Variants in CMTM1 observed in about 807,000 individuals in gnomAD.
The protein encoded by CMTM1 is CKLF like MARVEL transmembrane domain containing 1.
Under a neutral mutation model 17.8 loss-of-function variants are expected in CMTM1, and 16 were observed. The ratio of observed to expected loss-of-function variants is 0.90; its 90% CI spans 0.61 to 1.37. The LOEUF is 1.37. Ranked by LOEUF, CMTM1 falls within the 40% of genes most tolerant of loss-of-function variation. The pLI, the probability that CMTM1 is intolerant of heterozygous loss-of-function variation, is 0.00. For missense variants in CMTM1, 354 were observed against 375.6 expected, an observed-to-expected ratio of 0.94 and a Z score of 0.47; for synonymous variants, 169 against 154.6, an observed-to-expected ratio of 1.09 and a Z score of -0.69.
At chr16:66,568,864 C>T (rs1033749834) in intron 1 of CMTM1, among the ~76,000 whole-genome samples, 1 of 146,630 alleles carries the variant, frequency 6.8e-6, no homozygotes, top group South Asian at 2.1e-4. Context: ...CCAGCCTGAG[C>T]GACAGAGCAA....
At chr16:66,569,131 T>C (rs933176442) in intron 1 of CMTM1, among the ~76,000 whole-genome samples, 5 of 152,198 alleles carry the variant, frequency 3.3e-5, no homozygotes, top group Admixed American at 2.6e-4. Flanking sequence ...GATACACATA[T>C]GGGAAGAAAA....
chr16:66,568,807 AC>A (rs1334982383), intron 1 of CMTM1, among the ~76,000 whole-genome samples: 1 of 151,542 alleles, frequency 6.6e-6, no homozygotes, highest in East Asian at 1.9e-4. Context: ...AATTGTTCGA[AC>A]CCAGGAAGCA....
At chr16:66,574,997 C>A (rs2014055496) in intron 2 of CMTM1, 1 of 985,068 alleles carries the variant, frequency 1.0e-6, no homozygotes. Context: ...GGCCTGCCCA[C>A]TATGGGCAGA....
chr16:66,566,467 C>A lies in CMTM1; in HGVS notation c.-47C>A, dbSNP rs780586407. On this transcript the variant is annotated 5_prime_UTR_variant, in exon 1 of 4. Coordinates refer to ENST00000379500, the MANE Select transcript of CMTM1 (RefSeq NM_052999.4). This position sits in a 1 kb window ranked among gnomAD's most constrained non-coding sequence, Gnocchi z 4.9. ...ACGCTGGTTCCCAGGGGAGAGCCAG[C>A]CGCTGCCGCGGCACTGGTTCAGACG... The A allele has an allele frequency of 3.1e-5, 47 of 1,519,810 alleles. No individual in the cohort carries two copies. Among genetic ancestry groups the A allele is most frequent in the Admixed American group, 1.9e-4 (9 of 46,874 alleles). 94.1% of individuals were successfully genotyped at this position (1,519,810 alleles called of 1,614,324 possible).
intron 2 of CMTM1, chr16:66,574,953 G>C: frequency 3.0e-6 from 3 of 985,326 alleles, no homozygotes; most frequent in Non-Finnish European, 3.6e-6. Flanking sequence ...TAAGCTTCCT[G>C]CAAAGCTGCA....
intron 1 of CMTM1, among the ~76,000 whole-genome samples, chr16:66,568,224 A>G (rs1056342346): frequency 3.3e-5 from 5 of 152,226 alleles, no homozygotes; most frequent in African/African-American, 1.2e-4. Flanking sequence ...TTTTTTGAAA[A>G]TACAATACCA....
chr16:66,570,345 G>A (rs2144623565), intron 2 of CMTM1, among the ~76,000 whole-genome samples: 1 of 152,160 alleles, frequency 6.6e-6, no homozygotes, highest in African/African-American at 2.4e-5. Context: ...GTACTTTTCA[G>A]CTTGTCCTAA....
intron 3 of CMTM1, among the ~76,000 whole-genome samples, chr16:66,578,091 G>A (rs2014471571): frequency 6.6e-6 from 1 of 152,128 alleles, no homozygotes; most frequent in Admixed American, 6.5e-5. Flanking sequence ...AACATCCAAG[G>A]TTGTCAAGAG....
At chr16:66,577,369 C>A (rs1000815160) in intron 3 of CMTM1, among the ~76,000 whole-genome samples, 167 bp downstream of exon 3, 4 of 152,194 alleles carry the variant, frequency 2.6e-5, no homozygotes, top group African/African-American at 9.6e-5. Flanking sequence ...AAACTCTGAG[C>A]TCATGAAAAT....
In CMTM1 at chr16:66,566,861, C is replaced by T. The variant is rs770430575; in HGVS notation, c.348C>T (p.Gly116=). Residue 116 remains glycine (G), a synonymous_variant, in exon 1 of 4, where the codon GGC becomes GGT. Transcript: ENST00000379500. The surrounding 1 kb of genome is among the most constrained non-coding windows in gnomAD (Gnocchi z 4.9). ...TGGCGATCAAAGAGCGCGTGGAGGGCCGAGCCAAAGTCCCGTACAAATTCA... is the reference window on the plus strand; with the variant it reads ...TGGCGATCAAAGAGCGCGTGGAGGGTCGAGCCAAAGTCCCGTACAAATTCA... ...NEMAIKERVE[G]RAKVPYKFRD... is the part of the protein sequence containing the mutation. The T allele has an allele frequency of 2.7e-5, 44 of 1,612,238 alleles. 1 individual carries two copies. The South Asian group carries it at 4.4e-4, about 16-fold the overall frequency.
chr16:66,567,878 C>T (rs2012828002), intron 1 of CMTM1, among the ~76,000 whole-genome samples: 1 of 152,116 alleles, frequency 6.6e-6, no homozygotes, highest in African/African-American at 2.4e-5. Context: ...TAATGTAAAT[C>T]ACCAAAACTG....
Position 66,566,495 on chromosome 16 carries a change from C to CA in CMTM1, c.-18dup. ...CTGCCGCGGCACTGGTTCAGACGGCCAGGCCCTAGGGACCCACCATGGATC... is the reference window on the plus strand; with the variant it reads ...CTGCCGCGGCACTGGTTCAGACGGCCAAGGCCCTAGGGACCCACCATGGATC... On this transcript the variant is annotated 5_prime_UTR_variant, in exon 1 of 4. Transcript: ENST00000379500. This position sits in a 1 kb window ranked among gnomAD's most constrained non-coding sequence, Gnocchi z 4.9. 6.4e-7 allele frequency: 1 copy of CA among 1,572,842 alleles called. No individual in the cohort carries two copies. The highest frequency in any genetic ancestry group is 1.8e-5 in the Admixed American group (1 of 54,276).
intron 2 of CMTM1, among the ~76,000 whole-genome samples, chr16:66,573,127 A>G (rs1333495826): frequency 2.0e-5 from 3 of 152,322 alleles, no homozygotes; most frequent in East Asian, 3.9e-4. Context: ...GTTAGGGCCT[A>G]TGAGGTCTCC....
At position 66,570,041 on chromosome 16, in the gene CMTM1, A is replaced by T. The variant is rs765924026; in HGVS notation, c.538A>T (p.Ile180Leu). The change falls in exon 2 of 4, where the codon ATA becomes TTA. Residue 180 changes from isoleucine to leucine, a missense_variant. By Grantham distance (5) the Ile-to-Leu change is conservative. Transcript: ENST00000379500. ...CTGCATTGTCGTTTTTTTTATTCTAATATATGTGCTAACCCTTCACCACTT... is the reference window on the plus strand; with the variant it reads ...CTGCATTGTCGTTTTTTTTATTCTATTATATGTGCTAACCCTTCACCACTT... ...EICIVVFFIL[I>L]YVLTLHHLLT... 2 of 1,612,718 alleles carry T rather than the reference A, an allele frequency of 1.2e-6. No individual in the cohort carries two copies. The highest frequency in any genetic ancestry group is 1.7e-6 in the Non-Finnish European group (2 of 1,179,276).
intron 2 of CMTM1, among the ~76,000 whole-genome samples, chr16:66,576,356 C>T (rs1329241018): frequency 6.6e-6 from 1 of 151,962 alleles, no homozygotes; most frequent in Non-Finnish European, 1.5e-5. Flanking sequence ...CAAGATCGCA[C>T]CATTGCACTC....
rs762421686 is a variant in CMTM1, at chr16:66,566,739, GCACCCTCAAGGAAAGCCACCA to G, written c.230_250del (p.Pro77_Thr83del). 2 of 1,613,720 alleles carry G rather than the reference GCACCCTCAAGGAAAGCCACCA, an allele frequency of 1.2e-6. No homozygotes were observed. Among genetic ancestry groups the G allele is most frequent in the Non-Finnish European group, 1.7e-6 (2 of 1,179,868 alleles). On this transcript the variant is annotated inframe_deletion, in exon 1 of 4. Transcript: ENST00000379500. The surrounding 1 kb of genome is among the most constrained non-coding windows in gnomAD (Gnocchi z 4.9). Reference sequence around the variant, plus strand: ...ACGTCCCCAAGGCAGTGAGGGCACCGCACCCTCAAGGAAAGCCACCACACGCCCACCCCCAAAGCCCACACT... The same window carrying G: ...ACGTCCCCAAGGCAGTGAGGGCACCGCACGCCCACCCCCAAAGCCCACACT...
intron 2 of CMTM1, among the ~76,000 whole-genome samples, chr16:66,575,837 C>T (rs1457478133): frequency 6.6e-6 from 1 of 152,196 alleles, no homozygotes; most frequent in Non-Finnish European, 1.5e-5. Flanking sequence ...ACGAGTGTGC[C>T]AGAAAGGCTG....
At chr16:66,577,495 T>C (rs114625697) in intron 3 of CMTM1, among the ~76,000 whole-genome samples, 1 of 152,198 alleles carries the variant, frequency 6.6e-6, no homozygotes, top group Non-Finnish European at 1.5e-5. Context: ...TGTCTATAAA[T>C]AGGACTTTGA....
intron 3 of CMTM1, among the ~76,000 whole-genome samples, chr16:66,578,376 C>T (rs753560988): frequency 1.3e-5 from 2 of 152,186 alleles, no homozygotes; most frequent in Admixed American, 1.3e-4. Flanking sequence ...TCAACTCTGC[C>T]CCCTTCTCAG....
Sources: gnomAD v4.1 joint callset for allele counts (sites outside exome capture counted in the v4.1 genomes callset) on GRCh38, gnomAD v4.1.1 for gene constraint, Gnocchi (gnomAD v3.1) non-coding constraint, MANE v1.5 for transcripts, NCBI Gene and HGNC (gene_info 2026-07-23, HGNC 2026-07-21) for gene names.